Variants in BTBD9 observed in about 807,000 individuals in gnomAD.
The protein encoded by BTBD9 is BTB domain containing 9.
A neutral mutation model predicts 64.3 loss-of-function variants in BTBD9; 49 were observed. The ratio of observed to expected loss-of-function variants is 0.76; its 90% CI spans 0.61 to 0.97. BTBD9 has a LOEUF of 0.97. Ranked by LOEUF, BTBD9 falls within the 50% of genes least tolerant of loss-of-function variation. The pLI is 0.00. For missense variants in BTBD9, 598 were observed against 762.1 expected (o/e 0.78, Z 2.53); for synonymous variants, 260 against 274.7 (o/e 0.95, Z 0.53).
In BTBD9 at chr6:38,499,767, T is replaced by C. The variant is rs117726626; in HGVS notation, c.1154+77833A>G. On this transcript the variant is annotated intron_variant, in intron 6 of 10. Coordinates refer to ENST00000481247, the MANE Select transcript of BTBD9 (RefSeq NM_001099272.2). The stretch of plus-strand genomic sequence containing the variant: ...CCCTCGTTTGCTCACAGTATTCTGA[T>C]AGCAACAAGAACTTGAAGGTGCAGC... Among the ~76,000 whole-genome samples, 186 of 152,328 alleles carry C rather than the reference T, an allele frequency of 1.2e-3. 4 individuals carry two copies. The South Asian group carries it at 0.019, about 16-fold the overall frequency.
chr6:38,581,966 T>C (rs1776303545), intron 4 of BTBD9, among the ~76,000 whole-genome samples: 1 of 152,216 alleles, frequency 6.6e-6, no homozygotes, highest in African/African-American at 2.4e-5. Context: ...ACAGTACACA[T>C]ACATTTTGGT....
intron 6 of BTBD9, among the ~76,000 whole-genome samples, chr6:38,422,843 T>A (rs1056080362): frequency 6.6e-5 from 10 of 152,138 alleles, no homozygotes; most frequent in Non-Finnish European, 1.2e-4. Flanking sequence ...CTCACACTTG[T>A]AATCTCAGCA....
intron 6 of BTBD9, among the ~76,000 whole-genome samples, chr6:38,375,896 AAAG>A (rs1459577000): frequency 1.2e-4 from 13 of 104,730 alleles, no homozygotes; most frequent in Admixed American, 9.8e-4. Flanking sequence ...GAAAGAAAAG[AAAG>A]AAAGAAAGAA....
At chr6:38,446,033 C>T (rs1769261533) in intron 6 of BTBD9, among the ~76,000 whole-genome samples, 2 of 152,172 alleles carry the variant, frequency 1.3e-5, no homozygotes, top group African/African-American at 4.8e-5. Context: ...AGACAGAGGC[C>T]TTACTGGTCC....
chr6:38,236,138 T>C (rs974173001), intron 9 of BTBD9, among the ~76,000 whole-genome samples: 2 of 152,142 alleles, frequency 1.3e-5, no homozygotes, highest in African/African-American at 4.8e-5. Context: ...TAAGAAATAA[T>C]AAAAACAGCA....
At position 38,295,378 on chromosome 6, in the gene BTBD9, C is replaced by T. The variant is rs563969365; in HGVS notation, c.1265-6917G>A. The stretch of plus-strand genomic sequence containing the variant: ...ACGAGGTCCCATTTTGTTGCCCAGG[C>T]TGGTCTTGAACTCCTGGGCTCAAGC... On this transcript the variant is annotated intron_variant, in intron 7 of 10. Coordinates refer to ENST00000481247, the MANE Select transcript of BTBD9 (RefSeq NM_001099272.2). Among the ~76,000 whole-genome samples, 428 of 151,982 alleles carry T rather than the reference C, an allele frequency of 2.8e-3. 3 individuals are homozygous for T. The highest frequency in any genetic ancestry group is 0.01 in the African/African-American group (418 of 41,450).
At chr6:38,294,742 G>A (rs1327861097) in intron 7 of BTBD9, among the ~76,000 whole-genome samples, 2 of 151,766 alleles carry the variant, frequency 1.3e-5, no homozygotes, top group South Asian at 2.1e-4. Flanking sequence ...CATGGCATGT[G>A]TATACCTATG....
chr6:38,330,208 A>G (rs1383921165), intron 7 of BTBD9, among the ~76,000 whole-genome samples: 1 of 151,922 alleles, frequency 6.6e-6, no homozygotes, highest in Non-Finnish European at 1.5e-5. Flanking sequence ...GCGTGCCACC[A>G]CACCTGGCTA....
At chr6:38,175,886 C>T (rs1227740822) in intron 10 of BTBD9, among the ~76,000 whole-genome samples, 2 of 152,390 alleles carry the variant, frequency 1.3e-5, no homozygotes, top group African/African-American at 4.8e-5. Flanking sequence ...CATGTGGCTC[C>T]AGCCAGCCTG....
intron 4 of BTBD9, among the ~76,000 whole-genome samples, chr6:38,582,763 T>C (rs527888046): frequency 1.3e-4 from 20 of 152,350 alleles, no homozygotes; most frequent in Non-Finnish European, 2.9e-5. Flanking sequence ...TCTCTCTGAA[T>C]CTGCTTTCTC....
chr6:38,302,487 A>ATGTGTGTG (rs551031528), intron 7 of BTBD9, among the ~76,000 whole-genome samples: 90 of 20,850 alleles, frequency 4.3e-3, no homozygotes, highest in African/African-American at 0.012. Context: ...GTGTGTATGT[A>ATGTGTGTG]TATATATATA....
At chr6:38,412,341 C>T (rs1014007154) in intron 6 of BTBD9, among the ~76,000 whole-genome samples, 5 of 152,052 alleles carry the variant, frequency 3.3e-5, no homozygotes, top group African/African-American at 7.2e-5. Context: ...CCAAAACACA[C>T]GAACATATGC....
chr6:38,369,098 C>G (rs1429537521), intron 6 of BTBD9, among the ~76,000 whole-genome samples: 2 of 152,312 alleles, frequency 1.3e-5, no homozygotes, highest in Middle Eastern at 6.8e-3. Context: ...AGCCAATCAA[C>G]AAGTCCTTCC....
Position 38,622,188 on chromosome 6 carries a change from C to T in BTBD9, c.-28+17612G>A, listed in dbSNP as rs116352716. Among the ~76,000 whole-genome samples the T allele has an allele frequency of 1.5e-4, 23 of 152,350 alleles. No individual in the cohort carries two copies. The East Asian group carries it at 2.3e-3, about 15-fold the overall frequency. On this transcript the variant is annotated intron_variant, in intron 1 of 10. Transcript: ENST00000481247. ...TGAGGTGTGCCAAAGGATAATCCCTCGGTCCGTTGTAAGGCCCCTCTGGGG... is the reference window on the plus strand; with the variant it reads ...TGAGGTGTGCCAAAGGATAATCCCTTGGTCCGTTGTAAGGCCCCTCTGGGG...
chr6:38,501,137 A>C (rs916197188), intron 6 of BTBD9, among the ~76,000 whole-genome samples: 1 of 152,112 alleles, frequency 6.6e-6, no homozygotes, highest in Non-Finnish European at 1.5e-5. Context: ...AGTTCTAAAA[A>C]TTTTTTTAGG....
chr6:38,390,771 T>C (rs1006670961), intron 6 of BTBD9, among the ~76,000 whole-genome samples: 1 of 152,256 alleles, frequency 6.6e-6, no homozygotes, highest in East Asian at 1.9e-4. Flanking sequence ...ACTTCTTTAA[T>C]ACAATCGTAA....
chr6:38,376,939 T>C (rs1765715439), intron 6 of BTBD9, among the ~76,000 whole-genome samples: 1 of 152,238 alleles, frequency 6.6e-6, no homozygotes, highest in East Asian at 1.9e-4. Flanking sequence ...CTTGATGATA[T>C]ACTTGCCCTC....
In BTBD9 at chr6:38,256,525, AG is replaced by A. The variant is rs758327854; in HGVS notation, c.1455-10del. The A allele has an allele frequency of 3.2e-6, 5 of 1,581,620 alleles. No individual in the cohort carries two copies. In the Admixed American group the frequency reaches 6.7e-5, roughly 21 times the overall value. On this transcript the variant is annotated splice_polypyrimidine_tract_variant and intron_variant, in intron 8 of 10. Transcript: ENST00000481247. ...AATCCCAAAGTAGTAACCTGAACAA[AG>A]GGAAAAACATAAGATTGCTGTAAAT...
intron 4 of BTBD9, among the ~76,000 whole-genome samples, chr6:38,592,107 T>C (rs1776819987): frequency 6.6e-6 from 1 of 150,644 alleles, no homozygotes; most frequent in Non-Finnish European, 1.5e-5. Context: ...CGCTTGAACC[T>C]GGGAGGCGAG....
Sources: allele counts gnomAD v4.1 joint callset (sites outside exome capture counted in the v4.1 genomes callset), GRCh38; gene constraint gnomAD v4.1.1; transcripts MANE v1.5; gene names NCBI Gene and HGNC (gene_info 2026-07-23, HGNC 2026-07-21).